Variants in USP47 observed in about 807,000 individuals in gnomAD.
USP47 encodes ubiquitin carboxyl-terminal hydrolase 47.
USP47 carries 35 observed loss-of-function variants against 165.1 expected under a neutral mutation model. The observed-to-expected ratio is 0.21, with a 90% CI of 0.16 to 0.28. The LOEUF is 0.28. Ranked by LOEUF, USP47 falls within the 10% of genes least tolerant of loss-of-function variation. USP47 has a pLI of 1.00. For missense variants in USP47, 1,277 were observed against 1,607.4 expected (o/e 0.79, Z 3.52); for synonymous variants, 531 against 544.5 (o/e 0.98, Z 0.35).
chr11:11,874,562 CT>C (rs563500431), intron 1 of USP47, among the ~76,000 whole-genome samples: 259 of 144,794 alleles, frequency 1.8e-3, no homozygotes, highest in Middle Eastern at 7.1e-3. Flanking sequence ...GAAGCTGATA[CT>C]TTTTTTTTTT....
In USP47 at chr11:11,938,253, A is replaced by G; in HGVS notation, c.2078-4A>G. On this transcript the variant is annotated splice_polypyrimidine_tract_variant and splice_region_variant and intron_variant, in intron 17 of 27. Coordinates refer to ENST00000527733, the MANE Select transcript of USP47 (RefSeq NM_001282659.2). Reference sequence around the variant, plus strand: ...TTCTGTGTTTATGTCTTCAAATGTGACAGAAGTGATGGTGAAAGTTCATGT... The same window carrying G: ...TTCTGTGTTTATGTCTTCAAATGTGGCAGAAGTGATGGTGAAAGTTCATGT... 6.2e-7 allele frequency: 1 copy of G among 1,610,640 alleles called. No individual in the cohort carries two copies. The highest frequency in any genetic ancestry group is 1.1e-5 in the South Asian group (1 of 90,968).
Position 11,902,598 on chromosome 11 carries a change from CA to C in USP47, c.594-114del. 4 of 721,562 alleles carry C rather than the reference CA, an allele frequency of 5.5e-6. No homozygotes were observed. In the East Asian group the frequency reaches 1.0e-4, roughly 18 times the overall value. 44.7% of individuals were successfully genotyped at this position (721,562 alleles called of 1,614,324 possible). ...GATATTATTAGTTTCAATTAGCATT[CA>C]AACTCTGTATAGCTTCCAGGATTAA... On this transcript the variant is annotated intron_variant, in intron 5 of 27. Coordinates refer to ENST00000527733, the MANE Select transcript of USP47 (RefSeq NM_001282659.2).
At chr11:11,877,793 C>T (rs1008720169) in intron 1 of USP47, among the ~76,000 whole-genome samples, 10 of 55,510 alleles carry the variant, frequency 1.8e-4, no homozygotes, top group African/African-American at 6.6e-4. Context: ...CTCTCTTTCT[C>T]TCTCTCTCTC....
intron 10 of USP47, among the ~76,000 whole-genome samples, chr11:11,921,799 GAA>G (rs911856000): frequency 2.0e-5 from 3 of 151,848 alleles, no homozygotes; most frequent in African/African-American, 7.2e-5. Flanking sequence ...CTTGGGACAA[GAA>G]ATGTTTTGGC....
intron 1 of USP47, among the ~76,000 whole-genome samples, chr11:11,858,076 C>T (rs755471315): frequency 6.6e-6 from 1 of 152,344 alleles, no homozygotes; most frequent in East Asian, 1.9e-4. Context: ...CAAGAAGATT[C>T]TGTATCCAGG....
intron 1 of USP47, among the ~76,000 whole-genome samples, chr11:11,878,178 A>G (rs970953867): frequency 6.6e-6 from 1 of 152,182 alleles, no homozygotes; most frequent in Non-Finnish European, 1.5e-5. Context: ...GGAAAGAACC[A>G]GGAACTGCTA....
At chr11:11,894,761 TAA>T (rs1440576661) in intron 4 of USP47, among the ~76,000 whole-genome samples, 1 of 152,230 alleles carries the variant, frequency 6.6e-6, no homozygotes, top group Non-Finnish European at 1.5e-5. Flanking sequence ...TCCTTGAGAC[TAA>T]GACATGCTTT....
chr11:11,852,466 C>T (rs1472635913), intron 1 of USP47, among the ~76,000 whole-genome samples: 1 of 152,160 alleles, frequency 6.6e-6, no homozygotes, highest in Non-Finnish European at 1.5e-5. Context: ...TTTTTGAGCA[C>T]TCACTTCCTT....
intron 1 of USP47, among the ~76,000 whole-genome samples, chr11:11,869,445 A>G (rs1367312936): frequency 2.7e-5 from 4 of 147,374 alleles, no homozygotes; most frequent in African/African-American, 7.5e-5. Flanking sequence ...GTAGGTCTCT[A>G]TTGTGACATT....
intron 2 of USP47, among the ~76,000 whole-genome samples, chr11:11,883,354 T>A (rs922147608): frequency 6.6e-6 from 1 of 152,238 alleles, no homozygotes; most frequent in Non-Finnish European, 1.5e-5. Flanking sequence ...TAATCTTTTT[T>A]AATCCTTATA....
intron 19 of USP47, among the ~76,000 whole-genome samples, chr11:11,942,114 T>C (rs1331554700): frequency 6.6e-6 from 1 of 152,126 alleles, no homozygotes; most frequent in Non-Finnish European, 1.5e-5. Context: ...TGTATGTCCA[T>C]ACCGTCTATC....
At chr11:11,947,054 A>G (rs932508746) in intron 20 of USP47, among the ~76,000 whole-genome samples, 3 of 152,198 alleles carry the variant, frequency 2.0e-5, no homozygotes, top group African/African-American at 7.2e-5. Flanking sequence ...CCTTAGAGCC[A>G]GGGAGGTCCA....
intron 16 of USP47, among the ~76,000 whole-genome samples, chr11:11,935,579 CGCTGAG>C (rs1564887237): frequency 6.6e-6 from 1 of 151,818 alleles, no homozygotes; most frequent in African/African-American, 2.4e-5. Flanking sequence ...AATGGGGATA[CGCTGAG>C]GCTTACAAGT....
At chr11:11,863,478 T>C (rs1457709862) in intron 1 of USP47, among the ~76,000 whole-genome samples, 3 of 152,210 alleles carry the variant, frequency 2.0e-5, no homozygotes, top group African/African-American at 7.2e-5. Flanking sequence ...AACACAGCTT[T>C]CTGCTGCTTA....
At chr11:11,924,822 T>G (rs913301088) in intron 11 of USP47, among the ~76,000 whole-genome samples, 1 of 152,150 alleles carries the variant, frequency 6.6e-6, no homozygotes, top group African/African-American at 2.4e-5. Flanking sequence ...TTCTTTCATT[T>G]CGGATACTGG....
chr11:11,852,042 G>A (rs1848757432), intron 1 of USP47, among the ~76,000 whole-genome samples: 1 of 152,048 alleles, frequency 6.6e-6, no homozygotes, highest in African/African-American at 2.4e-5. Flanking sequence ...TAATTATTAA[G>A]TACTTTGATT....
At chr11:11,862,880 C>T (rs1446361242) in intron 1 of USP47, among the ~76,000 whole-genome samples, 4 of 152,078 alleles carry the variant, frequency 2.6e-5, no homozygotes, top group South Asian at 2.1e-4. Context: ...TTGTTACATG[C>T]ATAGATTGTG....
intron 3 of USP47, among the ~76,000 whole-genome samples, chr11:11,888,687 C>G (rs1318652493): frequency 6.6e-6 from 1 of 152,186 alleles, no homozygotes; most frequent in Non-Finnish European, 1.5e-5. Flanking sequence ...AAGAACTCCT[C>G]CCTAATTCTT....
chr11:11,909,407 C>T (rs989887860), intron 8 of USP47, among the ~76,000 whole-genome samples: 17 of 152,000 alleles, frequency 1.1e-4, no homozygotes, highest in African/African-American at 3.9e-4. Flanking sequence ...GGAGATAGTT[C>T]TAAGTATATT....
Sources: gnomAD v4.1 joint callset for allele counts (sites outside exome capture counted in the v4.1 genomes callset) on GRCh38, gnomAD v4.1.1 for gene constraint, MANE v1.5 for transcripts, NCBI Gene and HGNC (gene_info 2026-07-23, HGNC 2026-07-21) for gene names.